The following GDPD1 variants were observed in gnomAD, a reference collection of about 807,000 sequenced individuals.
GDPD1 encodes the protein lysophospholipase D GDPD1.
In GDPD1, 28 loss-of-function variants were observed where a neutral mutation model predicts 45.1. The observed-to-expected ratio is 0.62, with a 90% CI of 0.46 to 0.85. The LOEUF (loss-of-function observed/expected upper bound fraction) is 0.85, where lower values mean the gene tolerates loss of function less well. Ranked by LOEUF, GDPD1 falls within the 40% of genes least tolerant of loss-of-function variation. The probability of loss-of-function intolerance (pLI) is 0.00; values close to 1 mark genes in which losing one functional copy is unlikely to be tolerated. For synonymous variants in GDPD1, 139 were observed against 131.4 expected (o/e 1.06, Z -0.40); for missense variants, 256 against 364.8 (o/e 0.70, Z 2.43).
At chr17:59,250,506 T>A (rs991169900) in intron 4 of GDPD1, among the ~76,000 whole-genome samples, 1 of 151,158 alleles carries the variant, frequency 6.6e-6, no homozygotes, top group Non-Finnish European at 1.5e-5. Flanking sequence ...TCTCAGCTAT[T>A]TAAGAGACTT....
intron 6 of GDPD1, among the ~76,000 whole-genome samples, chr17:59,265,790 A>G (rs2047394269): frequency 6.7e-6 from 1 of 150,180 alleles, no homozygotes; most frequent in African/African-American, 2.4e-5. Flanking sequence ...AGTCCCATCT[A>G]TTACAACTCA....
intron 2 of GDPD1, among the ~76,000 whole-genome samples, chr17:59,240,400 GTAT>G (rs1401046225): frequency 6.6e-6 from 1 of 151,980 alleles, no homozygotes; most frequent in Non-Finnish European, 1.5e-5. Context: ...GTGTTTTAAG[GTAT>G]TATTACGAAA....
chr17:59,257,098 C>A, intron 4 of GDPD1, 24 bp from the exon 5 acceptor site: 1 of 1,180,842 alleles, frequency 8.5e-7, no homozygotes, highest in Non-Finnish European at 1.2e-6. Context: ...TTAAAAAATA[C>A]ATTTAAAAAT....
rs764802353 is a variant in GDPD1 at position 59,270,997 on chromosome 17, T to G, written c.770+2T>G. On this transcript the variant is annotated splice_donor_variant, in intron 8 of 9. Transcript: ENST00000284116. LOFTEE classifies it high-confidence loss of function. ...GTTTCTCATCTGGCTTTCTGATCTGTAAGAATTTTAATTTCTTAATATGCA... is the reference window on the plus strand; with the variant it reads ...GTTTCTCATCTGGCTTTCTGATCTGGAAGAATTTTAATTTCTTAATATGCA... 7 of 1,565,450 alleles carry G rather than the reference T, an allele frequency of 4.5e-6. No homozygotes were observed. The highest frequency in any genetic ancestry group is 6.1e-6 in the Non-Finnish European group (7 of 1,140,402).
chr17:59,263,582 G>A (rs912960265), intron 6 of GDPD1, among the ~76,000 whole-genome samples: 5 of 150,262 alleles, frequency 3.3e-5, no homozygotes, highest in East Asian at 2.0e-4. Flanking sequence ...GGGTTCAAGC[G>A]ATTCTCCTCC....
In GDPD1 at chr17:59,220,753, T is replaced by C; in HGVS notation, c.142+2T>C. 1 of 1,611,112 alleles carries C rather than the reference T, an allele frequency of 6.2e-7. No homozygotes were observed. The highest frequency in any genetic ancestry group is 8.5e-7 in the Non-Finnish European group (1 of 1,179,468). ...GTAAACACATCTCTCACCGCGGAGG[T>C]GAGAGGGGTCCCCAGAACCCGATGA... On this transcript the variant is annotated splice_donor_variant, in intron 1 of 9. Coordinates refer to ENST00000284116, the MANE Select transcript of GDPD1 (RefSeq NM_182569.4). LOFTEE classifies it high-confidence loss of function.
chr17:59,245,043 A>C (rs1442279011), intron 2 of GDPD1, among the ~76,000 whole-genome samples: 1 of 152,192 alleles, frequency 6.6e-6, no homozygotes, highest in African/African-American at 2.4e-5. Flanking sequence ...TTGTCTTGTT[A>C]TTTAATCCTT....
chr17:59,237,691 G>A (rs1438816975), intron 2 of GDPD1, among the ~76,000 whole-genome samples: 1 of 152,102 alleles, frequency 6.6e-6, no homozygotes, highest in Non-Finnish European at 1.5e-5. Flanking sequence ...GTTGGTGTGG[G>A]AAGCCTGATT....
At chr17:59,260,759 G>A (rs775891174) in intron 6 of GDPD1, 7 of 152,172 alleles carry the variant, frequency 4.6e-5, no homozygotes, top group Non-Finnish European at 8.8e-5. Context: ...GCTGATCTGA[G>A]TGTAATGGTG....
chr17:59,265,198 G>A (rs1032815055), intron 6 of GDPD1, among the ~76,000 whole-genome samples: 1 of 151,840 alleles, frequency 6.6e-6, no homozygotes, highest in Middle Eastern at 3.2e-3. Context: ...TATATATTAT[G>A]TTTTTATTAA....
intron 1 of GDPD1, among the ~76,000 whole-genome samples, chr17:59,233,508 T>C (rs1412121387): frequency 2.0e-5 from 2 of 100,394 alleles, no homozygotes; most frequent in Non-Finnish European, 3.6e-5. Flanking sequence ...CGAGACTCCG[T>C]CTCAAAAAAA....
chr17:59,223,036 A>G (rs1458414796), intron 1 of GDPD1, among the ~76,000 whole-genome samples: 3 of 152,336 alleles, frequency 2.0e-5, no homozygotes, highest in South Asian at 2.1e-4. Context: ...AACACTCTGC[A>G]GGTGAAAAAA....
chr17:59,247,866 G>A (rs532833551), intron 3 of GDPD1, among the ~76,000 whole-genome samples: 87 of 152,190 alleles, frequency 5.7e-4, no homozygotes, highest in Non-Finnish European at 7.9e-4. Flanking sequence ...CTGGCCTCAG[G>A]TGATATGCCT....
At chr17:59,245,972 A>G (rs550294722) in intron 3 of GDPD1, among the ~76,000 whole-genome samples, 1 of 151,830 alleles carries the variant, frequency 6.6e-6, no homozygotes, top group African/African-American at 2.4e-5. Context: ...AAATACAAAA[A>G]TTAGCCAGAC....
intron 1 of GDPD1, among the ~76,000 whole-genome samples, chr17:59,222,145 T>G (rs2047009559): frequency 6.6e-6 from 1 of 152,208 alleles, no homozygotes; most frequent in Non-Finnish European, 1.5e-5. Context: ...CGACTTTTAG[T>G]ATTCAAGTTG....
At chr17:59,268,303 G>C (rs914835119) in intron 7 of GDPD1, among the ~76,000 whole-genome samples, 4 of 152,108 alleles carry the variant, frequency 2.6e-5, no homozygotes, top group African/African-American at 4.8e-5. Context: ...ATGGCCGGGC[G>C]CGGTGGCTCA....
intron 6 of GDPD1, among the ~76,000 whole-genome samples, chr17:59,263,668 C>T (rs888563466): frequency 6.6e-6 from 1 of 151,066 alleles, no homozygotes; most frequent in Non-Finnish European, 1.5e-5. Context: ...TTAGTAGAGA[C>T]GGGGTTTCTC....
intron 2 of GDPD1, among the ~76,000 whole-genome samples, chr17:59,241,348 G>A (rs757715507): frequency 1.7e-4 from 26 of 152,170 alleles, no homozygotes; most frequent in Non-Finnish European, 2.4e-4. Context: ...ACGGAGTTTC[G>A]CTTTTGTCGC....
At chr17:59,225,928 C>G (rs2047044206) in intron 1 of GDPD1, among the ~76,000 whole-genome samples, 2 of 151,356 alleles carry the variant, frequency 1.3e-5, no homozygotes, top group Middle Eastern at 6.9e-3. Flanking sequence ...ACCATGTTGG[C>G]CAGGCTGGTC....
Sources: gnomAD v4.1 joint callset for allele counts (sites outside exome capture counted in the v4.1 genomes callset) on GRCh38, gnomAD v4.1.1 for gene constraint, MANE v1.5 for transcripts, NCBI Gene and HGNC (gene_info 2026-07-23, HGNC 2026-07-21) for gene names.